The following ARHGEF10L variants were observed in gnomAD, a reference collection of about 807,000 sequenced individuals.
The protein encoded by ARHGEF10L is Rho guanine nucleotide exchange factor 10 like, also known as rho guanine nucleotide exchange factor 10-like protein.
A neutral mutation model predicts 141.2 loss-of-function variants in ARHGEF10L; 69 were observed. That is an observed-to-expected ratio of 0.49 (90% CI 0.40 to 0.60). The LOEUF (loss-of-function observed/expected upper bound fraction) is 0.60, where lower values mean the gene tolerates loss of function less well. Ranked by LOEUF, ARHGEF10L falls within the 20% of genes least tolerant of loss-of-function variation. The pLI is 0.00. For missense variants in ARHGEF10L, 1,482 were observed against 1,734.3 expected (o/e 0.85, Z 2.58); for synonymous variants, 711 against 718.5 (o/e 0.99, Z 0.17).
rs780826724 is a variant in ARHGEF10L at position 17,621,043 on chromosome 1, G to A, written c.943-821G>A. On this transcript the variant is annotated intron_variant, in intron 10 of 28. Transcript: ENST00000361221. The surrounding 1 kb of genome is among the most constrained non-coding windows in gnomAD (Gnocchi z 4.1). ...GGTTGTGATCCACTCCGTGGGCCAG[G>A]CTTCTGGAGGGTTACGGTGATGGTG... Among the ~76,000 whole-genome samples, 43 of 152,150 alleles carry A rather than the reference G, an allele frequency of 2.8e-4. No homozygotes were observed. The highest frequency in any genetic ancestry group is 5.6e-4 in the Non-Finnish European group (38 of 68,026).
chr1:17,648,693 T>C lies in ARHGEF10L; in HGVS notation c.2394+18T>C, dbSNP rs770700548. The C allele has an allele frequency of 3.1e-6, 5 of 1,608,804 alleles. No individual in the cohort carries two copies. In the South Asian group the frequency reaches 5.5e-5, roughly 18 times the overall value. On this transcript the variant is annotated intron_variant, in intron 22 of 28. Transcript: ENST00000361221. The stretch of plus-strand genomic sequence containing the variant: ...GCCTGCAGGTGAGTGGAGCGGATCT[T>C]GCTGAGCCGACCTCGAAGGTGGCTG...
chr1:17,687,771 G>T, intron 27 of ARHGEF10L, 24 bp downstream of exon 27: 1 of 1,554,978 alleles, frequency 6.4e-7, no homozygotes, highest in South Asian at 1.2e-5. Context: ...GGGCACGGGG[G>T]AGCGGACAGT....
intron 22 of ARHGEF10L, among the ~76,000 whole-genome samples, chr1:17,648,938 A>G (rs887894865): frequency 2.0e-5 from 3 of 152,200 alleles, no homozygotes; most frequent in Admixed American, 6.5e-5. Context: ...AACAGCAATG[A>G]TCTCATCTGT....
chr1:17,669,106 G>A (rs2063158910), intron 26 of ARHGEF10L, among the ~76,000 whole-genome samples: 1 of 152,220 alleles, frequency 6.6e-6, no homozygotes. Flanking sequence ...GCCTTCAGAG[G>A]AAGGGCATTC....
Position 17,607,788 on chromosome 1 carries a change from C to A in ARHGEF10L, c.434-14C>A. On this transcript the variant is annotated splice_polypyrimidine_tract_variant and intron_variant, in intron 6 of 28. Coordinates refer to ENST00000361221, the MANE Select transcript of ARHGEF10L (RefSeq NM_018125.4). The surrounding 1 kb of genome is among the most constrained non-coding windows in gnomAD (Gnocchi z 4.5). ...CTCAGGGCCTGGGCTCACCGGCTGC[C>A]GCTTGGCCAGCAGGGGCAGAGAGGA... 6.5e-7 allele frequency: 1 copy of A among 1,550,290 alleles called. No individual in the cohort carries two copies. The highest frequency in any genetic ancestry group is 2.5e-5 in the East Asian group (1 of 40,290).
chr1:17,696,823 T>C, intron 28 of ARHGEF10L, 25 bp from the exon 29 acceptor site: 1 of 1,514,600 alleles, frequency 6.6e-7, no homozygotes. Flanking sequence ...TTGGGCCCCT[T>C]TCTCTCTCGC....
intron 4 of ARHGEF10L, among the ~76,000 whole-genome samples, chr1:17,598,627 C>T (rs2080340828): frequency 6.6e-6 from 1 of 152,104 alleles, no homozygotes; most frequent in Non-Finnish European, 1.5e-5. Context: ...CTGCAAAGGC[C>T]CCACCGCCTA....
intron 4 of ARHGEF10L, among the ~76,000 whole-genome samples, chr1:17,595,196 T>G (rs1443064264): frequency 6.6e-6 from 1 of 151,994 alleles, no homozygotes; most frequent in Non-Finnish European, 1.5e-5. Context: ...TGTGGTTTAT[T>G]GCACATGCTG....
chr1:17,618,493 C>T (rs1032865051), intron 9 of ARHGEF10L: 1 of 1,448,618 alleles, frequency 6.9e-7, no homozygotes, highest in Non-Finnish European at 9.1e-7. Context: ...CGCTGTCCCT[C>T]CTCCTCCTCC....
intron 4 of ARHGEF10L, among the ~76,000 whole-genome samples, chr1:17,601,252 T>A (rs2080655200): frequency 6.6e-6 from 1 of 152,088 alleles, no homozygotes; most frequent in Non-Finnish European, 1.5e-5. Context: ...TCAGGACACA[T>A]GGCACCTGCG....
the ARHGEF10L span, among the ~76,000 whole-genome samples, chr1:17,530,234 G>C: frequency 6.6e-6 from 1 of 152,130 alleles, no homozygotes; most frequent in African/African-American, 2.4e-5. Flanking sequence ...TCTCTATTGG[G>C]ATGGTTTGGT....
chr1:17,635,090 C>T, intron 18 of ARHGEF10L, 74 bp downstream of exon 18: 1 of 1,574,762 alleles, frequency 6.4e-7, no homozygotes, highest in Non-Finnish European at 8.6e-7. Context: ...TGCTCCTACC[C>T]AGGCTTGGCC....
chr1:17,567,579 A>T (rs1325525102), intron 1 of ARHGEF10L, among the ~76,000 whole-genome samples: 1 of 151,948 alleles, frequency 6.6e-6, no homozygotes, highest in African/African-American at 2.4e-5. Flanking sequence ...TGTTGGTCAG[A>T]CTGGTCTCAA....
At chr1:17,637,837 C>A in intron 18 of ARHGEF10L, 51 bp from the exon 19 acceptor site, 2 of 1,499,672 alleles carry the variant, frequency 1.3e-6, no homozygotes, top group Non-Finnish European at 9.0e-7. Context: ...AGATGCTTGG[C>A]TTCTTGTTAG....
chr1:17,653,824 G>A (rs2062073853), intron 22 of ARHGEF10L, among the ~76,000 whole-genome samples: 1 of 152,242 alleles, frequency 6.6e-6, no homozygotes, highest in Non-Finnish European at 1.5e-5. Flanking sequence ...CCTTCAAGTT[G>A]GCATCTGCGC....
chr1:17,632,689 C>A (rs2060771431), intron 16 of ARHGEF10L, among the ~76,000 whole-genome samples: 5 of 152,368 alleles, frequency 3.3e-5, no homozygotes, highest in Non-Finnish European at 7.3e-5. Flanking sequence ...CTCGGGCACA[C>A]AGCTGTCCAT....
upstream of ARHGEF10L, among the ~76,000 whole-genome samples, chr1:17,537,854 CAAAAAAAA>C (rs10611023): frequency 2.5e-5 from 2 of 79,816 alleles, no homozygotes; most frequent in African/African-American, 5.0e-5. Flanking sequence ...ACCATCTCTA[CAAAAAAAA>C]AAAAAAAAAA....
At chr1:17,551,953 T>C (rs1327188879) in intron 1 of ARHGEF10L, among the ~76,000 whole-genome samples, 1 of 152,092 alleles carries the variant, frequency 6.6e-6, no homozygotes, top group Non-Finnish European at 1.5e-5. Context: ...AACATTGCCT[T>C]TTTGCAGTCT....
intron 19 of ARHGEF10L, among the ~76,000 whole-genome samples, chr1:17,638,288 C>T (rs1206660434): frequency 6.6e-6 from 1 of 152,230 alleles, no homozygotes; most frequent in Non-Finnish European, 1.5e-5. Context: ...TTATGTGGCC[C>T]CTCCTGGGCC....
Sources: gnomAD v4.1 joint callset for allele counts (sites outside exome capture counted in the v4.1 genomes callset) on GRCh38, gnomAD v4.1.1 for gene constraint, Gnocchi (gnomAD v3.1) non-coding constraint, MANE v1.5 for transcripts, NCBI Gene and HGNC (gene_info 2026-07-23, HGNC 2026-07-21) for gene names.